SPRYD3: variants seen among roughly 807,000 people sequenced by gnomAD.
SPRYD3 encodes SPRY domain containing 3, also known as SPRY domain-containing protein 3.
A neutral mutation model predicts 50.1 loss-of-function variants in SPRYD3; 17 were observed. The observed-to-expected ratio is 0.34, with a 90% CI of 0.23 to 0.51. The LOEUF (loss-of-function observed/expected upper bound fraction) is 0.51. Among genes scored for constraint, SPRYD3 ranks in the 20% least tolerant of loss-of-function variants. The probability of loss-of-function intolerance (pLI) is 0.97; values close to 1 mark genes in which losing one functional copy is unlikely to be tolerated. For missense variants in SPRYD3, 401 were observed against 591.2 expected, an observed-to-expected ratio of 0.68 and a Z score of 3.34; for synonymous variants, 198 against 215.5, an observed-to-expected ratio of 0.92 and a Z score of 0.71.
chr12:53,078,186 A>G, intron 1 of SPRYD3: 1 of 411,608 alleles, frequency 2.4e-6, no homozygotes, highest in Non-Finnish European at 5.0e-6. Context: ...CTCAAAAAAA[A>G]AAGAAAAAAA....
At chr12:53,073,256 G>GCCCCCGGGGGGGGGGGGGGGGCCCC in intron 6 of SPRYD3, 30 bp downstream of exon 6, 1 of 424,132 alleles carries the variant, frequency 2.4e-6, no homozygotes, top group East Asian at 3.8e-5. Context: ...CTCCGACCCA[G>GCCCCCGGGGGGGGGGGGGGGGCCCC]CCCCTCCCAC....
intron 5 of SPRYD3, among the ~76,000 whole-genome samples, chr12:53,073,705 G>A (rs1465369566): frequency 8.5e-5 from 13 of 152,080 alleles, no homozygotes; most frequent in South Asian, 4.2e-4. Context: ...TTAGCCGGGC[G>A]TGGTGGCGGG....
chr12:53,073,066 C>T (rs773714077), intron 6 of SPRYD3: 21 of 451,202 alleles, frequency 4.7e-5, no homozygotes, highest in Non-Finnish European at 8.3e-5. Flanking sequence ...AACCTGAGTT[C>T]CCTGAAGAGG....
Position 53,065,467 on chromosome 12 carries a change from A to T in SPRYD3, c.*365T>A. On this transcript the variant is annotated 3_prime_UTR_variant, in exon 11 of 11. Coordinates refer to ENST00000301463, the MANE Select transcript of SPRYD3 (RefSeq NM_032840.3). ...CTGTCTACTCTACCCTCTACAAAGC[A>T]TCATGCCCGAATAGCAGCTGAGATA... 4.6e-6 allele frequency: 1 copy of T among 218,010 alleles called. No homozygotes were observed. Among genetic ancestry groups the T allele is most frequent in the East Asian group, 1.0e-4 (1 of 9,774 alleles). The allele number at this position is 218,010 out of a possible 1,614,324, so 13.5% of individuals were successfully genotyped here.
chr12:53,066,761 CA>C, intron 8 of SPRYD3, 69 bp from the exon 9 acceptor site: 1 of 1,533,350 alleles, frequency 6.5e-7, no homozygotes, highest in Non-Finnish European at 8.8e-7. Context: ...CAGAGTGGCT[CA>C]TGAAGCTGAA....
chr12:53,073,412 G>A lies in SPRYD3; in HGVS notation c.567C>T (p.His189=), dbSNP rs1166777178. 1.9e-6 allele frequency: 3 copies of A among 1,577,720 alleles called. No individual in the cohort carries two copies. The highest frequency in any genetic ancestry group is 2.3e-5 in the East Asian group (1 of 43,548). Residue 189 remains histidine, a synonymous_variant, in exon 6 of 11, where the codon CAC becomes CAT. Transcript: ENST00000301463. ...PDGLFPAVGM[H]SLGEEVRLHL... is the part of the protein sequence containing the mutation. ...GCAGCCGCACCTCCTCACCCAGGGA[G>A]TGCATGCCCACTGCTGGGAACAGTC...
At position 53,068,185 on chromosome 12, in the gene SPRYD3, T is replaced by A; in HGVS notation, c.813A>T (p.Lys271Asn). The part of the protein sequence containing the change: ...FEVEIVDPGE[K>N]CYIALGLARK... ...GTGCCAGCCCCAGGGCGATGTAGCA[T>A]TTCTCTCCAGGGTCCACGATCTCCA... Residue 271 changes from lysine (K) to asparagine (N), a missense_variant, in exon 7 of 11, where the codon AAA (lysine) becomes AAT (asparagine). Physicochemically the swap from Lys to Asn is moderately conservative, Grantham distance 94 (BLOSUM62 0). Transcript: ENST00000301463. The A allele has an allele frequency of 6.2e-7, 1 of 1,614,208 alleles. No individual in the cohort carries two copies. The highest frequency in any genetic ancestry group is 8.5e-7 in the Non-Finnish European group (1 of 1,180,046).
At chr12:53,071,775 A>T (rs1042688273) in intron 6 of SPRYD3, among the ~76,000 whole-genome samples, 19 of 151,416 alleles carry the variant, frequency 1.3e-4, no homozygotes, top group Admixed American at 8.5e-4. Flanking sequence ...AAAAAGGCAC[A>T]TGTCCCTCAG....
chr12:53,075,057 C>T, intron 4 of SPRYD3, 38 bp downstream of exon 4: 1 of 1,599,332 alleles, frequency 6.3e-7, no homozygotes, highest in Non-Finnish European at 8.6e-7. Context: ...TTCCCAAATT[C>T]ATAGGAAAAG....
intron 6 of SPRYD3, 26 bp downstream of exon 6, chr12:53,073,260 C>CA: frequency 2.4e-6 from 1 of 416,308 alleles, no homozygotes; most frequent in South Asian, 6.0e-5. Flanking sequence ...GACCCAGCCC[C>CA]TCCCACCCTC....
In SPRYD3 at chr12:53,068,176, G is replaced by A. The variant is rs766624057; in HGVS notation, c.822C>T (p.Ile274=). Residue 274 remains isoleucine, a synonymous_variant, in exon 7 of 11, where the codon ATC becomes ATT. Coordinates refer to ENST00000301463, the MANE Select transcript of SPRYD3 (RefSeq NM_032840.3). ...CCACCTTCCGTGCCAGCCCCAGGGC[G>A]ATGTAGCATTTCTCTCCAGGGTCCA... ...EIVDPGEKCY[I]ALGLARKDYP... is the part of the protein sequence containing the mutation. The A allele has an allele frequency of 1.8e-5, 29 of 1,614,108 alleles. 1 individual carries two copies. The South Asian group carries it at 2.3e-4, about 13-fold the overall frequency.
chr12:53,067,836 GCA>G, intron 7 of SPRYD3, 131 bp from the exon 8 acceptor site: 1 of 853,434 alleles, frequency 1.2e-6, no homozygotes, highest in Non-Finnish European at 1.9e-6. Context: ...CTCATACCCT[GCA>G]GGCACTGGGG....
Position 53,065,822 on chromosome 12 carries a change from A to ATCTC in SPRYD3, c.*9_*10insGAGA. ...GAGCAGGGAGAAGGAGCAGGTCTGG[A>ATCTC]GGGGAGGCCCTAGCCACTCAAGGGG... On this transcript the variant is annotated 3_prime_UTR_variant, in exon 11 of 11. Coordinates refer to ENST00000301463, the MANE Select transcript of SPRYD3 (RefSeq NM_032840.3). The ATCTC allele has an allele frequency of 6.2e-7, 1 of 1,610,210 alleles. No homozygotes were observed. Among genetic ancestry groups the ATCTC allele is most frequent in the Non-Finnish European group, 8.5e-7 (1 of 1,178,118 alleles).
rs1269077434 is a variant in SPRYD3 at position 53,064,569 on chromosome 12, C to CT, written c.*1262dup. Reference sequence around the variant, plus strand: ...GCAGTCCTGTTCCTAGCCCAGTGGACTAGAAAGGCTCCTGGTTCCGGCCAT... The same window carrying CT: ...GCAGTCCTGTTCCTAGCCCAGTGGACTTAGAAAGGCTCCTGGTTCCGGCCAT... On this transcript the variant is annotated 3_prime_UTR_variant, in exon 11 of 11. Coordinates refer to ENST00000301463, the MANE Select transcript of SPRYD3 (RefSeq NM_032840.3). 6.5e-6 allele frequency: 1 copy of CT among 152,688 alleles called. No homozygotes were observed. Among genetic ancestry groups the CT allele is most frequent in the Non-Finnish European group, 1.5e-5 (1 of 68,096 alleles). The allele number at this position is 152,688 out of a possible 1,614,324, so 9.5% of individuals were successfully genotyped here. A position where few individuals can be genotyped will look rare whatever the true frequency, so the allele number is the denominator to read the frequency against.
chr12:53,075,981 C>T (rs966009096), intron 2 of SPRYD3, among the ~76,000 whole-genome samples, 170 bp from the exon 3 acceptor site: 2 of 152,212 alleles, frequency 1.3e-5, no homozygotes, highest in African/African-American at 4.8e-5. Flanking sequence ...GGTCACCTCA[C>T]CCTACTCCTC....
chr12:53,073,568 GGC>G (rs1944565695), intron 5 of SPRYD3, 97 bp from the exon 6 acceptor site: 2 of 1,011,568 alleles, frequency 2.0e-6, no homozygotes, highest in Admixed American at 5.2e-5. Flanking sequence ...CAACCAGCCG[GGC>G]GTGGTGGCTC....
chr12:53,066,670 G>A lies in SPRYD3; in HGVS notation c.924C>T (p.Gly308=). ...YHADDGKIFH[G]SGVGDPFGPR... is the part of the protein sequence containing the mutation. ...GCCCAAAGGGGTCCCCCACACCACTGCCATGGAAGATCTTCCCATCGTCTG... is the reference window on the plus strand; with the variant it reads ...GCCCAAAGGGGTCCCCCACACCACTACCATGGAAGATCTTCCCATCGTCTG... Residue 308 remains glycine (G), a synonymous_variant, in exon 9 of 11, where the codon GGC becomes GGT. Coordinates refer to ENST00000301463, the MANE Select transcript of SPRYD3 (RefSeq NM_032840.3). 6.2e-7 allele frequency: 1 copy of A among 1,612,360 alleles called. No homozygotes were observed. Among genetic ancestry groups the A allele is most frequent in the Non-Finnish European group, 8.5e-7 (1 of 1,178,864 alleles).
chr12:53,077,501 G>C (rs1192829345), intron 1 of SPRYD3, among the ~76,000 whole-genome samples: 1 of 152,236 alleles, frequency 6.6e-6, no homozygotes, highest in Non-Finnish European at 1.5e-5. Flanking sequence ...ATTCTCACAG[G>C]CTGGGAGGTG....
At position 53,066,656 on chromosome 12, in the gene SPRYD3, T is replaced by TCCCCCACA. The variant is rs1944511144; in HGVS notation, c.930_937dup (p.Asp313ValfsTer41). ...TTTGTAACAGCGTGGCCCAAAGGGG[T>TCCCCCACA]CCCCCACACCACTGCCATGGAAGAT... On this transcript the variant is annotated frameshift_variant, in exon 9 of 11. Transcript: ENST00000301463. LOFTEE classifies it high-confidence loss of function. The TCCCCCACA allele has an allele frequency of 6.2e-7, 1 of 1,612,860 alleles. No individual in the cohort carries two copies. Among genetic ancestry groups the TCCCCCACA allele is most frequent in the African/African-American group, 1.3e-5 (1 of 74,604 alleles).
Sources: allele counts gnomAD v4.1 joint callset (sites outside exome capture counted in the v4.1 genomes callset), GRCh38; gene constraint gnomAD v4.1.1; transcripts MANE v1.5; gene names NCBI Gene and HGNC (gene_info 2026-07-23, HGNC 2026-07-21).